Variants in AHCTF1 observed in about 807,000 individuals in gnomAD.
AHCTF1 encodes protein ELYS.
In AHCTF1, 24 loss-of-function variants were observed where a neutral mutation model predicts 248.4. That is an observed-to-expected ratio of 0.10 (90% confidence interval 0.07 to 0.14). The LOEUF (loss-of-function observed/expected upper bound fraction) is 0.14, where lower values mean the gene tolerates loss of function less well. Ranked by LOEUF, AHCTF1 falls within the 10% of genes least tolerant of loss-of-function variation. The pLI is 1.00. For synonymous variants in AHCTF1, 786 were observed against 929.8 expected, an observed-to-expected ratio of 0.85 and a Z score of 2.81; for missense variants, 2,206 against 2,636.2, an observed-to-expected ratio of 0.84 and a Z score of 3.57.
Position 246,849,750 on chromosome 1 carries a change from C to T in AHCTF1, c.6256G>A (p.Ala2086Thr), listed in dbSNP as rs769162657. The change falls in exon 33 of 36, where the codon GCC becomes ACC. Residue 2086 changes from alanine to threonine, a missense_variant. Coordinates refer to ENST00000648844, the MANE Select transcript of AHCTF1 (RefSeq NM_001323342.2). ...GATGATTTAGTGAAGGAAGCTGTGG[C>T]GAGCAATCTTTCTTCCTGCTCATTT... ...ETNEQEERLLATASFTKSSRS... is the reference protein window; with the variant it reads ...ETNEQEERLLTTASFTKSSRS... 2.5e-5 allele frequency: 41 copies of T among 1,613,842 alleles called. No individual in the cohort carries two copies. The highest frequency in any genetic ancestry group is 6.7e-5 in the Admixed American group (4 of 59,990).
chr1:246,902,440 C>G, intron 8 of AHCTF1, 85 bp downstream of exon 8: 5 of 1,492,138 alleles, frequency 3.4e-6, no homozygotes, highest in Non-Finnish European at 4.5e-6. Flanking sequence ...TCTGAACTGC[C>G]AGGAGTATGA....
chr1:246,885,548 T>G lies in AHCTF1; in HGVS notation c.2605A>C (p.Thr869Pro). 1 of 1,611,526 alleles carries G rather than the reference T, an allele frequency of 6.2e-7. No homozygotes were observed. ...ATAACATCGTTACCACTGGACACTG[T>G]TGGCTTCATTGTCTGAATATATCTG... ...ALRYIQTMKPTVSSGNDVILH... is the reference protein window; with the variant it reads ...ALRYIQTMKPPVSSGNDVILH... Residue 869 changes from threonine to proline, a missense_variant, in exon 21 of 36, where the codon ACA becomes CCA. Physicochemically the swap from Thr to Pro is conservative, Grantham distance 38. Transcript: ENST00000648844.
chr1:246,861,250 A>G lies in AHCTF1; in HGVS notation c.3781T>C (p.Cys1261Arg), dbSNP rs1309747227. 3 of 1,612,832 alleles carry G rather than the reference A, an allele frequency of 1.9e-6. No individual in the cohort carries two copies. The highest frequency in any genetic ancestry group is 1.3e-5 in the African/African-American group (1 of 75,004). The change falls in exon 29 of 36, where the codon TGT (cysteine) becomes CGT (arginine). Residue 1261 changes from cysteine (C) to arginine (R), a missense_variant. Cys to Arg is a radical substitution (Grantham distance 180, BLOSUM62 -3). Around this residue, in one of 6 missense-constraint regions of AHCTF1, gnomAD observed 955 missense variants for 1,055.6 expected, o/e 0.90. Coordinates refer to ENST00000648844, the MANE Select transcript of AHCTF1 (RefSeq NM_001323342.2). ...KLEVFTTPKK[C>R]AVPVETEWLK... ...CATTCAGTTTCCACTGGAACTGCAC[A>G]TTTTTTAGGTGTAGTAAATACTTCT...
chr1:246,906,449 G>A (rs1358954236), intron 5 of AHCTF1, among the ~76,000 whole-genome samples: 8 of 152,062 alleles, frequency 5.3e-5, no homozygotes, highest in Non-Finnish European at 7.4e-5. Context: ...GGGTTCAGTG[G>A]TGCACACATG....
chr1:246,870,129 G>C (rs1662474720), intron 24 of AHCTF1, among the ~76,000 whole-genome samples: 1 of 152,202 alleles, frequency 6.6e-6, no homozygotes, highest in East Asian at 1.9e-4. Context: ...ATGGGGGAAA[G>C]AGCAAGAGAA....
intron 1 of AHCTF1, among the ~76,000 whole-genome samples, chr1:246,920,984 C>G (rs2103238657): frequency 6.6e-6 from 1 of 151,482 alleles, no homozygotes; most frequent in African/African-American, 2.4e-5. Flanking sequence ...CTCAGCTACT[C>G]AGGAGGCTGA....
At chr1:246,869,138 C>G (rs1779979) in intron 24 of AHCTF1, among the ~76,000 whole-genome samples, 12 of 151,696 alleles carry the variant, frequency 7.9e-5, no homozygotes, top group South Asian at 2.1e-4. Flanking sequence ...CCACCACGCC[C>G]GGCCGTGTGT....
chr1:246,909,285 T>C (rs1247536100), intron 4 of AHCTF1, among the ~76,000 whole-genome samples: 1 of 142,816 alleles, frequency 7.0e-6, no homozygotes, highest in Admixed American at 7.4e-5. Context: ...CACATGGTGG[T>C]GTGCAACTGT....
intron 1 of AHCTF1, among the ~76,000 whole-genome samples, chr1:246,922,075 C>T (rs1666582983): frequency 1.3e-5 from 2 of 152,160 alleles, no homozygotes; most frequent in East Asian, 1.9e-4. Context: ...AAAACATATA[C>T]AGGGCTGGGC....
intron 11 of AHCTF1, among the ~76,000 whole-genome samples, chr1:246,899,066 G>A (rs913579031): frequency 5.3e-5 from 8 of 152,232 alleles, no homozygotes; most frequent in Non-Finnish European, 8.8e-5. Flanking sequence ...CCCAGCCTGC[G>A]CAACAAGAGC....
intron 12 of AHCTF1, among the ~76,000 whole-genome samples, chr1:246,897,492 G>A (rs1664668174): frequency 6.6e-6 from 1 of 152,144 alleles, no homozygotes; most frequent in African/African-American, 2.4e-5. Flanking sequence ...TTCGTTAGGT[G>A]TTTCATTGTT....
At chr1:246,927,665 A>G (rs1172164203) in intron 1 of AHCTF1, among the ~76,000 whole-genome samples, 3 of 152,222 alleles carry the variant, frequency 2.0e-5, no homozygotes, top group African/African-American at 7.2e-5. Context: ...TTCCTTTCCA[A>G]AGGCTAGATA....
At chr1:246,877,355 C>T in intron 21 of AHCTF1, 53 bp from the exon 22 acceptor site, 1 of 1,485,046 alleles carries the variant, frequency 6.7e-7, no homozygotes, top group Non-Finnish European at 9.0e-7. Context: ...TTTAAATGTA[C>T]AAAACAAGAA....
intron 25 of AHCTF1, 28 bp from the exon 26 acceptor site, chr1:246,867,379 TGTATCACAAGGA>T: frequency 1.4e-6 from 2 of 1,441,440 alleles, no homozygotes; most frequent in Non-Finnish European, 1.9e-6. Flanking sequence ...TAACTTCTGA[TGTATCACAAGGA>T]GCACTGATAA....
At chr1:246,903,654 C>A (rs1030983609) in intron 7 of AHCTF1, among the ~76,000 whole-genome samples, 3 of 104,096 alleles carry the variant, frequency 2.9e-5, no homozygotes, top group Admixed American at 2.1e-4. Context: ...ATGGTGAGAC[C>A]CCCCCCCCTC....
chr1:246,882,807 T>C (rs888070894), intron 21 of AHCTF1, among the ~76,000 whole-genome samples: 31 of 152,200 alleles, frequency 2.0e-4, no homozygotes, highest in African/African-American at 7.5e-4. Flanking sequence ...CACGCCACAG[T>C]TGTGATGGTA....
At position 246,913,429 on chromosome 1, in the gene AHCTF1, G is replaced by A. The variant is rs747245098; in HGVS notation, c.376-17C>T. ...AGCTGTTACCTAGAAAACATAATACGTGATTTGCTTTTCTTCTGCAAAGTA... is the reference window on the plus strand; with the variant it reads ...AGCTGTTACCTAGAAAACATAATACATGATTTGCTTTTCTTCTGCAAAGTA... On this transcript the variant is annotated splice_polypyrimidine_tract_variant and intron_variant, in intron 3 of 35. Transcript: ENST00000648844. 16 of 1,585,078 alleles carry A rather than the reference G, an allele frequency of 1.0e-5. No individual in the cohort carries two copies. The highest frequency in any genetic ancestry group is 2.3e-5 in the East Asian group (1 of 44,334).
chr1:246,850,304 C>T lies in AHCTF1; in HGVS notation c.5702G>A (p.Arg1901Lys), dbSNP rs770831159. The T allele has an allele frequency of 6.2e-7, 1 of 1,613,778 alleles. No individual in the cohort carries two copies. Among genetic ancestry groups the T allele is most frequent in the Admixed American group, 1.7e-5 (1 of 59,984 alleles). Residue 1901 changes from arginine to lysine, a missense_variant, in exon 33 of 36, where the codon AGA becomes AAA. Physicochemically the swap from Arg to Lys is conservative, Grantham distance 26. Around this residue, in one of 6 missense-constraint regions of AHCTF1, gnomAD observed 469 missense variants for 470.0 expected, o/e 1.00. Transcript: ENST00000648844. ...AGTACTTCTCAATTTTCTGATCATT[C>T]TGCTAGGACTTGTTACCGTACTAAC... ...LKVSTVTSPS[R>K]MIRKLRSTNL...
At chr1:246,893,400 C>G (rs936674597) in intron 14 of AHCTF1, among the ~76,000 whole-genome samples, 7 of 152,200 alleles carry the variant, frequency 4.6e-5, no homozygotes, top group African/African-American at 1.7e-4. Context: ...TATCTATAGT[C>G]AAATCATTTC....
Sources: allele counts gnomAD v4.1 joint callset (sites outside exome capture counted in the v4.1 genomes callset), GRCh38; gene constraint gnomAD v4.1.1; regional missense constraint gnomAD v4.1.1; transcripts MANE v1.5; gene names NCBI Gene and HGNC (gene_info 2026-07-23, HGNC 2026-07-21).